Variants in ZNF536 observed in about 807,000 individuals in gnomAD.
ZNF536 encodes the protein zinc finger protein 536.
ZNF536 carries 13 observed loss-of-function variants against 84.5 expected under a neutral mutation model. That is an observed-to-expected ratio of 0.15 (90% confidence interval 0.10 to 0.24). The LOEUF is 0.24. ZNF536 is among the 10% of genes least tolerant of loss of function. The pLI, the probability that ZNF536 is intolerant of heterozygous loss-of-function variation, is 1.00. For synonymous variants in ZNF536, 811 were observed against 742.5 expected (o/e 1.09, Z -1.50); for missense variants, 1,536 against 1,747.5 (o/e 0.88, Z 2.16).
chr19:30,360,221 T>TG (rs1166665982), intron 3 of ZNF536, among the ~76,000 whole-genome samples: 3 of 152,242 alleles, frequency 2.0e-5, no homozygotes, highest in African/African-American at 7.2e-5. Flanking sequence ...GGCTCGGCTC[T>TG]GGGCCTCACC....
intron 2 of ZNF536, among the ~76,000 whole-genome samples, chr19:30,506,792 C>G (rs1273417935): frequency 6.6e-6 from 1 of 152,112 alleles, no homozygotes; most frequent in African/African-American, 2.4e-5. Context: ...CTTGTTTGGG[C>G]TTGGTTTAAC....
chr19:30,584,245 G>T (rs2047020318), intron 1 of ZNF536, among the ~76,000 whole-genome samples: 1 of 152,162 alleles, frequency 6.6e-6, no homozygotes, highest in Non-Finnish European at 1.5e-5. Context: ...GTGGTGAGCA[G>T]CAGCTGGAAG....
At chr19:30,470,987 CT>C (rs35539055) in intron 2 of ZNF536, among the ~76,000 whole-genome samples, 45,843 of 142,416 alleles carry the variant, frequency 0.32, 8,945 homozygotes, top group African/African-American at 0.56. Flanking sequence ...TGCGCCCGGC[CT>C]TTTTTTTTTT....
At chr19:30,225,653 C>A (rs901347464), upstream of ZNF536, among the ~76,000 whole-genome samples, 5 of 147,396 alleles carry the variant, frequency 3.4e-5, no homozygotes. Flanking sequence ...TCCTGACGCC[C>A]GCGTTTCAAT....
intron 2 of ZNF536, among the ~76,000 whole-genome samples, chr19:30,332,548 C>A (rs192260587): frequency 6.6e-6 from 1 of 152,156 alleles, no homozygotes; most frequent in Non-Finnish European, 1.5e-5. Flanking sequence ...CTCAAATATC[C>A]CCTCCTCAGA....
At chr19:30,314,350 G>A (rs1302338339) in intron 2 of ZNF536, among the ~76,000 whole-genome samples, 1 of 152,114 alleles carries the variant, frequency 6.6e-6, no homozygotes, top group African/African-American at 2.4e-5. Flanking sequence ...GCCTTCTGGG[G>A]CCCTGGTTCC....
chr19:30,461,571 G>A (rs1007909817), intron 2 of ZNF536, among the ~76,000 whole-genome samples: 6 of 152,142 alleles, frequency 3.9e-5, no homozygotes, highest in Non-Finnish European at 8.8e-5. Context: ...GAATATCCCC[G>A]AGCCCCTGCT....
At chr19:30,704,396 C>T (rs2052129374) in intron 1 of ZNF536, among the ~76,000 whole-genome samples, 1 of 152,034 alleles carries the variant, frequency 6.6e-6, no homozygotes, top group Admixed American at 6.6e-5. Flanking sequence ...CCAGTAATCC[C>T]AGCACTTTGG....
chr19:30,470,667 G>A (rs1004758963), intron 2 of ZNF536, among the ~76,000 whole-genome samples: 3 of 150,502 alleles, frequency 2.0e-5, no homozygotes, highest in Non-Finnish European at 4.4e-5. Flanking sequence ...AGTCCTGGAC[G>A]GGTATTTTGT....
Position 30,700,877 on chromosome 19 carries a change from C to T in ZNF536, c.170-9880C>T, listed in dbSNP as rs530737115. Among the ~76,000 whole-genome samples, 437 of 152,272 alleles carry T rather than the reference C, an allele frequency of 2.9e-3. 3 individuals carry two copies. Among genetic ancestry groups the T allele is most frequent in the South Asian group, 8.3e-3 (40 of 4,828 alleles). On this transcript the variant is annotated intron_variant, in intron 1 of 1. Coordinates refer to the ZNF536 transcript ENST00000592773. ...TGTTCCTAATTTCAAGGAGTTCAGG[C>T]GGCGCTGGTTGTGCAGCTCTGGGAG... is the stretch of plus-strand genomic sequence containing the variant.
At chr19:30,499,238 G>A (rs1348901198) in intron 2 of ZNF536, among the ~76,000 whole-genome samples, 1 of 150,590 alleles carries the variant, frequency 6.6e-6, no homozygotes, top group East Asian at 2.0e-4. Context: ...TTTTTTGAGG[G>A]CCTATCTGTT....
intron 4 of ZNF536, chr19:30,556,272 C>T (rs112685947): frequency 0.021 from 3,176 of 152,326 alleles, 115 homozygotes; most frequent in African/African-American, 0.072. Context: ...TGCAAATCAC[C>T]GCCCTGTTCT....
intron 2 of ZNF536, among the ~76,000 whole-genome samples, chr19:30,324,040 C>T (rs1349410085): frequency 6.6e-6 from 1 of 151,488 alleles, no homozygotes; most frequent in East Asian, 1.9e-4. Flanking sequence ...CACCCATCCT[C>T]CATCCATCTA....
chr19:30,567,023 G>C (rs935069785), intron 1 of ZNF536, among the ~76,000 whole-genome samples: 1 of 152,034 alleles, frequency 6.6e-6, no homozygotes, highest in Non-Finnish European at 1.5e-5. Flanking sequence ...TGGCCTCTCC[G>C]GGTAGTGGCG....
chr19:30,595,766 T>C (rs2047441829), intron 1 of ZNF536, among the ~76,000 whole-genome samples: 1 of 152,200 alleles, frequency 6.6e-6, no homozygotes, highest in Non-Finnish European at 1.5e-5. Context: ...GCCCAGGGCC[T>C]TTCCCTGACT....
intron 1 of ZNF536, among the ~76,000 whole-genome samples, chr19:30,563,613 C>T (rs555362269): frequency 3.9e-5 from 6 of 152,252 alleles, no homozygotes; most frequent in African/African-American, 1.4e-4. Context: ...GAATGATCAC[C>T]TCTAATTTGC....
intron 3 of ZNF536, among the ~76,000 whole-genome samples, chr19:30,362,984 G>A (rs188531568): frequency 1.3e-5 from 2 of 152,080 alleles, no homozygotes; most frequent in African/African-American, 4.8e-5. Context: ...GCTTGAACCC[G>A]GGAGGCAGAG....
intron 2 of ZNF536, among the ~76,000 whole-genome samples, chr19:30,508,119 C>T (rs957553682): frequency 2.0e-5 from 3 of 152,186 alleles, no homozygotes; most frequent in Non-Finnish European, 4.4e-5. Flanking sequence ...GGGAATTGCT[C>T]AGCAAAGGGG....
At chr19:30,375,278 C>A (rs867664340) in intron 1 of ZNF536, among the ~76,000 whole-genome samples, 6 of 150,248 alleles carry the variant, frequency 4.0e-5, no homozygotes, top group Admixed American at 6.6e-5. Context: ...TGCCCGCGCC[C>A]GGGCCCCGCG....
Sources: allele counts gnomAD v4.1 joint callset (sites outside exome capture counted in the v4.1 genomes callset), GRCh38; gene constraint gnomAD v4.1.1; transcripts MANE v1.5; gene names NCBI Gene and HGNC (gene_info 2026-07-23, HGNC 2026-07-21).